The following AR variants were observed in gnomAD, a reference collection of about 807,000 sequenced individuals.
The protein encoded by AR is dihydrotestosterone receptor.
Under a neutral mutation model 53.9 loss-of-function variants are expected in AR, and 8 were observed. The ratio of observed to expected loss-of-function variants is 0.15; its 90% CI spans 0.09 to 0.27. The LOEUF (loss-of-function observed/expected upper bound fraction) is 0.27, where lower values mean the gene tolerates loss of function less well. Among genes scored for constraint, AR ranks in the 10% least tolerant of loss-of-function variants. The pLI, the probability that AR is intolerant of heterozygous loss-of-function variation, is 1.00. For synonymous variants in AR, 359 were observed against 316.4 expected (o/e 1.13, Z -1.43); for missense variants, 639 against 742.5 (o/e 0.86, Z 1.62).
intron 3 of AR, among the ~76,000 whole-genome samples, chrX:67,701,514 A>G (rs964267279): frequency 1.8e-5 from 2 of 112,105 alleles, no homozygotes; most frequent in East Asian, 2.8e-4. Context: ...AATGGTGGCT[A>G]TGGACTGAAT....
At chrX:67,601,072 G>T (rs770720345) in intron 1 of AR, among the ~76,000 whole-genome samples, 2 of 111,966 alleles carry the variant, frequency 1.8e-5, no homozygotes, top group African/African-American at 6.5e-5. Context: ...AATACAAAGA[G>T]AAAAGATTAT....
intron 2 of AR, among the ~76,000 whole-genome samples, chrX:67,677,403 A>C (rs1047048118): frequency 9.8e-5 from 11 of 111,719 alleles, no homozygotes; most frequent in African/African-American, 3.6e-4. Context: ...CAGTGAGACT[A>C]CAAAAAAAGA....
chrX:67,626,654 A>C (rs1320617639), intron 1 of AR, among the ~76,000 whole-genome samples: 4 of 100,011 alleles, frequency 4.0e-5, no homozygotes, highest in Non-Finnish European at 8.0e-5. Flanking sequence ...ATTATACTTT[A>C]AGTTTTAGGG....
chrX:67,676,567 G>A, intron 2 of AR, among the ~76,000 whole-genome samples: 1 of 111,799 alleles, frequency 8.9e-6, no homozygotes, highest in Non-Finnish European at 1.9e-5. Flanking sequence ...TTATCTTTGT[G>A]TTTTAGTTGC....
At chrX:67,579,063 C>A (rs1157112281) in intron 1 of AR, among the ~76,000 whole-genome samples, 1 of 111,690 alleles carries the variant, frequency 9.0e-6, no homozygotes, top group African/African-American at 3.2e-5. Context: ...GATGAGACAG[C>A]TGAGGCTGAA....
rs1223399786 is a variant in AR, at chrX:67,598,283, G to GT, written c.1617-44956dup. ...TGCTTTTGTGGCACTTTGTAGCAAT[G>GT]TTTTTTTTTTTTTTTTTGAGACGGA... On this transcript the variant is annotated intron_variant, in intron 1 of 7. Coordinates refer to ENST00000374690, the MANE Select transcript of AR (RefSeq NM_000044.6). Among the ~76,000 whole-genome samples the GT allele has an allele frequency of 8.9e-3, 847 of 94,851 alleles. 6 individuals are homozygous for GT. The highest frequency in any genetic ancestry group is 0.022 in the South Asian group (44 of 2,024). 82.4% of individuals were successfully genotyped at this position (94,851 alleles called of 115,157 possible). A position where few individuals can be genotyped will look rare whatever the true frequency, so the allele number is the denominator to read the frequency against.
At chrX:67,609,843 TAA>T (rs1228167624) in intron 1 of AR, among the ~76,000 whole-genome samples, 2 of 112,169 alleles carry the variant, frequency 1.8e-5, no homozygotes, top group African/African-American at 6.5e-5. Context: ...AAGATTTGTT[TAA>T]AGGTTGTTTT....
chrX:67,689,601 C>T, intron 3 of AR: 1 of 964,653 alleles, frequency 1.0e-6, no homozygotes, highest in African/African-American at 2.0e-5. Flanking sequence ...TTTGGAGTCT[C>T]AGAATGGCTT....
At chrX:67,645,555 T>G (rs1926016941) in intron 2 of AR, among the ~76,000 whole-genome samples, 1 of 111,553 alleles carries the variant, frequency 9.0e-6, no homozygotes, top group South Asian at 3.7e-4. Flanking sequence ...TTAGGGAAAC[T>G]CTGTGAGCTC....
At chrX:67,638,459 A>G (rs759894002) in intron 1 of AR, among the ~76,000 whole-genome samples, 5 of 111,658 alleles carry the variant, frequency 4.5e-5, no homozygotes, top group Non-Finnish European at 9.4e-5. Context: ...AAGCGTTCCT[A>G]TTTCTTCACA....
chrX:67,570,372 T>C (rs1182739512), intron 1 of AR, among the ~76,000 whole-genome samples: 1 of 112,406 alleles, frequency 8.9e-6, no homozygotes, highest in Admixed American at 9.4e-5. Context: ...GTTTCGTTTT[T>C]TTACTTGCCA....
chrX:67,722,725 TG>T (rs2076140972), intron 6 of AR, 101 bp from the exon 7 acceptor site: 1 of 1,011,319 alleles, frequency 9.9e-7, no homozygotes, highest in South Asian at 2.0e-5. Context: ...TGGTTCCCTG[TG>T]GGGGTGGGGG....
intron 2 of AR, among the ~76,000 whole-genome samples, chrX:67,674,913 C>A (rs970955286): frequency 1.8e-5 from 2 of 111,149 alleles, no homozygotes; most frequent in African/African-American, 6.5e-5. Context: ...ACTCTTGAAG[C>A]AAGAACAGCT....
At chrX:67,676,259 G>T (rs1439576833) in intron 2 of AR, among the ~76,000 whole-genome samples, 1 of 111,537 alleles carries the variant, frequency 9.0e-6, no homozygotes, top group Non-Finnish European at 1.9e-5. Context: ...TTTTCTTTGT[G>T]CACAGCTTAT....
chrX:67,635,824 A>G (rs927265014), intron 1 of AR, among the ~76,000 whole-genome samples: 13 of 111,771 alleles, frequency 1.2e-4, no homozygotes, highest in Middle Eastern at 4.6e-3. Context: ...CCTCAAGATA[A>G]TAAGTGAACG....
At chrX:67,640,684 T>G (rs1022385993) in intron 1 of AR, among the ~76,000 whole-genome samples, 1 of 111,483 alleles carries the variant, frequency 9.0e-6, no homozygotes, top group Admixed American at 9.6e-5. Flanking sequence ...CATTTTTTAT[T>G]GCATCTGTGA....
At chrX:67,705,935 T>C (rs1436184294) in intron 3 of AR, among the ~76,000 whole-genome samples, 1 of 112,139 alleles carries the variant, frequency 8.9e-6, no homozygotes, top group African/African-American at 3.2e-5. Context: ...TCTGTTTGTA[T>C]GCTCAATTAC....
At chrX:67,668,824 G>A (rs965214740) in intron 2 of AR, among the ~76,000 whole-genome samples, 6 of 110,523 alleles carry the variant, frequency 5.4e-5, no homozygotes, top group African/African-American at 1.6e-4. Flanking sequence ...ATTTCTTCTA[G>A]GTTTTCCAAT....
Position 67,694,981 on chromosome X carries a change from G to C in AR, c.1885+8855G>C, listed in dbSNP as rs1602261491. 4 of 943,759 alleles carry C rather than the reference G, an allele frequency of 4.2e-6. No individual in the cohort carries two copies. The African/African-American group carries it at 8.1e-5, about 19-fold the overall frequency. 77.8% of individuals were successfully genotyped at this position (943,759 alleles called of 1,213,427 possible). A position where few individuals can be genotyped will look rare whatever the true frequency, so the allele number is the denominator to read the frequency against. On this transcript the variant is annotated intron_variant, in intron 3 of 7. Coordinates refer to ENST00000374690, the MANE Select transcript of AR (RefSeq NM_000044.6). ...CCATTCATGTAGTTGTGAGTATCAT[G>C]ATTATTGTTTCCTGTAATGTGGCTT... is the stretch of plus-strand genomic sequence containing the variant.
Sources: gnomAD v4.1 joint callset for allele counts (sites outside exome capture counted in the v4.1 genomes callset) on GRCh38, gnomAD v4.1.1 for gene constraint, MANE v1.5 for transcripts, NCBI Gene and HGNC (gene_info 2026-07-23, HGNC 2026-07-21) for gene names.